PRIMA1: variants seen among roughly 807,000 people sequenced by gnomAD.
PRIMA1 encodes the protein proline-rich membrane anchor 1.
Under a neutral mutation model 17.5 loss-of-function variants are expected in PRIMA1, and 7 were observed. The observed-to-expected ratio is 0.40, with a 90% CI of 0.23 to 0.75. The LOEUF (loss-of-function observed/expected upper bound fraction) is 0.75, where lower values mean the gene tolerates loss of function less well. Ranked by LOEUF, PRIMA1 falls within the 30% of genes least tolerant of loss-of-function variation. The pLI is 0.37. For synonymous variants in PRIMA1, 97 were observed against 77.9 expected (o/e 1.25, Z -1.29); for missense variants, 200 against 201.8 (o/e 0.99, Z 0.05).
intron 3 of PRIMA1, among the ~76,000 whole-genome samples, chr14:93,768,460 G>A (rs1884956652): frequency 6.6e-6 from 1 of 152,148 alleles, no homozygotes; most frequent in South Asian, 2.1e-4. Flanking sequence ...ATCACCTGGG[G>A]CAGCTTTAAA....
intron 2 of PRIMA1, among the ~76,000 whole-genome samples, chr14:93,782,436 G>C (rs1490783555): frequency 6.6e-6 from 1 of 151,902 alleles, no homozygotes; most frequent in Non-Finnish European, 1.5e-5. Flanking sequence ...CTGGGCAATA[G>C]AGTGAGACCT....
intron 2 of PRIMA1, among the ~76,000 whole-genome samples, chr14:93,784,352 G>A (rs1478003270): frequency 1.3e-5 from 2 of 150,966 alleles, no homozygotes; most frequent in Non-Finnish European, 3.0e-5. Context: ...CTTTTTTTTT[G>A]AGACATGGTT....
chr14:93,758,594 C>CAAAAAA (rs34329291), intron 3 of PRIMA1, among the ~76,000 whole-genome samples: 66 of 80,986 alleles, frequency 8.1e-4, no homozygotes, highest in Non-Finnish European at 9.6e-4. Context: ...GCAAGACTCT[C>CAAAAAA]AAAAAAAAAA....
chr14:93,761,329 C>A (rs935392393), intron 3 of PRIMA1, among the ~76,000 whole-genome samples: 1 of 152,086 alleles, frequency 6.6e-6, no homozygotes, highest in African/African-American at 2.4e-5. Context: ...CCACCTTGGG[C>A]AACAGAGCGA....
At chr14:93,748,009 AGTGT>A (rs1011169116) in intron 3 of PRIMA1, among the ~76,000 whole-genome samples, 1 of 142,186 alleles carries the variant, frequency 7.0e-6, no homozygotes, top group African/African-American at 2.7e-5. Flanking sequence ...AGTGTATATG[AGTGT>A]GTGAGAGTGG....
chr14:93,741,010 G>A (rs2076181065), intron 3 of PRIMA1, among the ~76,000 whole-genome samples: 1 of 152,214 alleles, frequency 6.6e-6, no homozygotes, highest in Non-Finnish European at 1.5e-5. Context: ...ATGGTTCACA[G>A]TATCCTGCAC....
At chr14:93,727,215 C>T (rs902448248) in intron 4 of PRIMA1, among the ~76,000 whole-genome samples, 6 of 152,172 alleles carry the variant, frequency 3.9e-5, no homozygotes, top group Non-Finnish European at 7.4e-5. Context: ...GCGGAACTGG[C>T]GACTGTGCAT....
At chr14:93,772,077 G>A (rs146704896) in intron 3 of PRIMA1, among the ~76,000 whole-genome samples, 3 of 152,352 alleles carry the variant, frequency 2.0e-5, no homozygotes, top group South Asian at 2.1e-4. Flanking sequence ...GAGGAGAGCA[G>A]AGCTTCTCTC....
At chr14:93,738,166 CA>C (rs1383382733) in intron 3 of PRIMA1, among the ~76,000 whole-genome samples, 1 of 152,194 alleles carries the variant, frequency 6.6e-6, no homozygotes, top group Non-Finnish European at 1.5e-5. Context: ...ACTGGTGCTC[CA>C]GGGCCCTCTC....
chr14:93,750,068 G>A (rs1187241750), intron 3 of PRIMA1, among the ~76,000 whole-genome samples: 1 of 152,124 alleles, frequency 6.6e-6, no homozygotes, highest in Non-Finnish European at 1.5e-5. Flanking sequence ...TGTAGTCCCT[G>A]CTACTTGGGA....
At chr14:93,722,626 G>C (rs1309154624) in intron 4 of PRIMA1, among the ~76,000 whole-genome samples, 2 of 151,852 alleles carry the variant, frequency 1.3e-5, no homozygotes, top group Non-Finnish European at 2.9e-5. Flanking sequence ...AGGTGGTATT[G>C]GTGGTGGTGA....
At chr14:93,768,168 C>G (rs1016226189) in intron 3 of PRIMA1, among the ~76,000 whole-genome samples, 1 of 152,146 alleles carries the variant, frequency 6.6e-6, no homozygotes, top group Non-Finnish European at 1.5e-5. Flanking sequence ...TGAAGACACA[C>G]GTGTCCCTTT....
At chr14:93,746,356 C>T (rs1360470448) in intron 3 of PRIMA1, among the ~76,000 whole-genome samples, 5 of 151,822 alleles carry the variant, frequency 3.3e-5, no homozygotes, top group South Asian at 2.1e-4. Flanking sequence ...GTGTGACGCA[C>T]GGTGGTCAGG....
At chr14:93,763,483 T>C (rs1026202048) in intron 3 of PRIMA1, among the ~76,000 whole-genome samples, 1 of 152,120 alleles carries the variant, frequency 6.6e-6, no homozygotes, top group Non-Finnish European at 1.5e-5. Context: ...CCCTGGACTA[T>C]TGAAGCTCAC....
At chr14:93,769,574 G>A (rs552598764) in intron 3 of PRIMA1, among the ~76,000 whole-genome samples, 5 of 152,314 alleles carry the variant, frequency 3.3e-5, no homozygotes, top group South Asian at 4.1e-4. Flanking sequence ...CTCACACTGC[G>A]TCCAGCCAAG....
chr14:93,786,642 A>G (rs1057002227), intron 2 of PRIMA1, among the ~76,000 whole-genome samples: 1 of 152,130 alleles, frequency 6.6e-6, no homozygotes, highest in South Asian at 2.1e-4. Context: ...CCCAGAGTGG[A>G]TCCTCAATGC....
At chr14:93,746,170 C>T (rs2076216641) in intron 3 of PRIMA1, among the ~76,000 whole-genome samples, 2 of 152,052 alleles carry the variant, frequency 1.3e-5, no homozygotes, top group African/African-American at 4.8e-5. Context: ...TCATAGAGTT[C>T]CCGCAAGGAC....
chr14:93,758,430 A>G (rs1300870320), intron 3 of PRIMA1, among the ~76,000 whole-genome samples: 7 of 151,898 alleles, frequency 4.6e-5, no homozygotes, highest in Non-Finnish European at 1.5e-5. Context: ...TACTAAAAAT[A>G]CAAAAATTAT....
intron 3 of PRIMA1, among the ~76,000 whole-genome samples, chr14:93,763,025 C>G (rs1307990757): frequency 6.6e-6 from 1 of 152,190 alleles, no homozygotes; most frequent in Non-Finnish European, 1.5e-5. Context: ...TGTTCTGCTG[C>G]ATGCTTCCTT....
Sources: gnomAD v4.1 joint callset for allele counts (sites outside exome capture counted in the v4.1 genomes callset) on GRCh38, gnomAD v4.1.1 for gene constraint, MANE v1.5 for transcripts, NCBI Gene and HGNC (gene_info 2026-07-23, HGNC 2026-07-21) for gene names.